L3MBTL3: variants seen among roughly 807,000 people sequenced by gnomAD.
L3MBTL3 encodes the protein L3MBTL histone methyl-lysine binding protein 3, also known as lethal(3)malignant brain tumor-like protein 3.
In L3MBTL3, 27 loss-of-function variants were observed where a neutral mutation model predicts 102.3. The ratio of observed to expected loss-of-function variants is 0.26; its 90% CI spans 0.19 to 0.36. The LOEUF is 0.36. Among genes scored for constraint, L3MBTL3 ranks in the 10% least tolerant of loss-of-function variants. L3MBTL3 has a pLI of 1.00. For synonymous variants in L3MBTL3, 340 were observed against 320.9 expected, an observed-to-expected ratio of 1.06 and a Z score of -0.64; for missense variants, 798 against 955.3, an observed-to-expected ratio of 0.84 and a Z score of 2.17.
intron 2 of L3MBTL3, among the ~76,000 whole-genome samples, chr6:130,032,540 A>G (rs1779795219): frequency 6.6e-6 from 1 of 152,242 alleles, no homozygotes; most frequent in Non-Finnish European, 1.5e-5. Context: ...CCAGATAATT[A>G]TAACAAGAAG....
In L3MBTL3 at chr6:130,133,998, A is replaced by G; in HGVS notation, c.2199+93A>G. The G allele has an allele frequency of 1.0e-6, 1 of 963,502 alleles. No homozygotes were observed. The allele number at this position is 963,502 out of a possible 1,614,324, so 59.7% of individuals were successfully genotyped here. On this transcript the variant is annotated intron_variant, in intron 22 of 22. Coordinates refer to ENST00000361794, the MANE Select transcript of L3MBTL3 (RefSeq NM_032438.4). The surrounding 1 kb of genome is among the most constrained non-coding windows in gnomAD (Gnocchi z 4.9). ...GAAATGTGTGGAATTGGCAGAGTCA[A>G]AAAGAGATGGGGTGTGTTGAAATTG...
At chr6:130,066,066 G>GA (rs955911038) in intron 10 of L3MBTL3, among the ~76,000 whole-genome samples, 7 of 152,222 alleles carry the variant, frequency 4.6e-5, no homozygotes, top group African/African-American at 1.7e-4. Flanking sequence ...AGGGAGTGGA[G>GA]AAAGGACCTG....
intron 19 of L3MBTL3, among the ~76,000 whole-genome samples, chr6:130,106,544 C>T (rs1031270423): frequency 6.6e-6 from 1 of 152,080 alleles, no homozygotes; most frequent in Admixed American, 6.5e-5. Context: ...CCCCTTTTTG[C>T]GGCCCTGGGA....
chr6:130,069,475 A>G (rs569771445), intron 12 of L3MBTL3, among the ~76,000 whole-genome samples: 3 of 152,196 alleles, frequency 2.0e-5, no homozygotes, highest in South Asian at 2.1e-4. Flanking sequence ...GAACTGACAC[A>G]TTGTGTTTGT....
chr6:130,085,799 C>G (rs922167086), intron 15 of L3MBTL3, among the ~76,000 whole-genome samples: 2 of 152,036 alleles, frequency 1.3e-5, no homozygotes, highest in African/African-American at 4.8e-5. Flanking sequence ...CTCTGTTGCC[C>G]AGGCTGGAGT....
intron 10 of L3MBTL3, among the ~76,000 whole-genome samples, chr6:130,062,452 A>G (rs1041425824): frequency 6.6e-5 from 10 of 150,892 alleles, no homozygotes; most frequent in Admixed American, 6.6e-4. Flanking sequence ...TGACGTGTAC[A>G]TGGCCTCACT....
At chr6:130,121,608 A>T (rs1786213155) in intron 20 of L3MBTL3, among the ~76,000 whole-genome samples, 2 of 152,160 alleles carry the variant, frequency 1.3e-5, no homozygotes, top group Non-Finnish European at 2.9e-5. Context: ...GGACCTTGTC[A>T]CACATTTTCT....
chr6:130,074,759 G>A (rs1782848262), intron 13 of L3MBTL3, among the ~76,000 whole-genome samples: 1 of 152,210 alleles, frequency 6.6e-6, no homozygotes, highest in African/African-American at 2.4e-5. Flanking sequence ...CTAAATGAAT[G>A]AGGTTGCAGC....
At chr6:130,111,684 G>A (rs1785355925) in intron 19 of L3MBTL3, among the ~76,000 whole-genome samples, 1 of 152,180 alleles carries the variant, frequency 6.6e-6, no homozygotes, top group South Asian at 2.1e-4. Context: ...ATAGAGCCAT[G>A]GGCAGCTAAT....
At chr6:130,034,248 G>T (rs1279336069) in intron 2 of L3MBTL3, among the ~76,000 whole-genome samples, 1 of 152,154 alleles carries the variant, frequency 6.6e-6, no homozygotes, top group Non-Finnish European at 1.5e-5. Flanking sequence ...AGATACAGTA[G>T]ATTCTTGACA....
At chr6:130,112,958 C>T (rs1293753888) in intron 19 of L3MBTL3, among the ~76,000 whole-genome samples, 3 of 152,160 alleles carry the variant, frequency 2.0e-5, no homozygotes, top group African/African-American at 7.2e-5. Context: ...TCACTGTGGA[C>T]AGTGGCAGCT....
At chr6:130,093,745 C>T (rs776521972) in intron 17 of L3MBTL3, among the ~76,000 whole-genome samples, 10 of 152,072 alleles carry the variant, frequency 6.6e-5, no homozygotes, top group South Asian at 2.1e-4. Context: ...CAAACAAAAC[C>T]GAATGTGCCT....
At chr6:130,114,873 G>A (rs1376467848) in intron 19 of L3MBTL3, among the ~76,000 whole-genome samples, 1 of 152,076 alleles carries the variant, frequency 6.6e-6, no homozygotes. Context: ...GAATCCCTTC[G>A]AAGGTGGTGA....
At chr6:130,119,485 T>A (rs558859110) in intron 19 of L3MBTL3, among the ~76,000 whole-genome samples, 3 of 152,306 alleles carry the variant, frequency 2.0e-5, no homozygotes, top group African/African-American at 7.2e-5. Context: ...AAACACAATT[T>A]TTATCAATAC....
intron 16 of L3MBTL3, among the ~76,000 whole-genome samples, chr6:130,088,968 T>TGG (rs1365545600): frequency 1.3e-5 from 2 of 152,126 alleles, no homozygotes; most frequent in Non-Finnish European, 2.9e-5. Context: ...TGTTCATAGT[T>TGG]TAGTTTTTTT....
At chr6:130,101,981 A>G (rs1784716535) in intron 18 of L3MBTL3, among the ~76,000 whole-genome samples, 1 of 152,022 alleles carries the variant, frequency 6.6e-6, no homozygotes. Context: ...TTGCTGAGCT[A>G]CTTCATTGCT....
intron 7 of L3MBTL3, 127 bp downstream of exon 7, chr6:130,053,118 C>T (rs1781212604): frequency 1.5e-6 from 1 of 647,522 alleles, no homozygotes; most frequent in Non-Finnish European, 2.7e-6. Flanking sequence ...GTGTTAGTGT[C>T]AGTAAGTTAC....
chr6:130,093,049 G>A (rs1225459198), intron 17 of L3MBTL3, among the ~76,000 whole-genome samples, 190 bp downstream of exon 17: 1 of 152,086 alleles, frequency 6.6e-6, no homozygotes, highest in African/African-American at 2.4e-5. Context: ...CTTAATGCCT[G>A]AAAAAGTAAA....
chr6:130,041,524 C>T (rs996418726), intron 2 of L3MBTL3, among the ~76,000 whole-genome samples: 2 of 152,100 alleles, frequency 1.3e-5, no homozygotes, highest in African/African-American at 4.8e-5. Flanking sequence ...TTCTTGAATC[C>T]TGAGAAGGTG....
Sources: gnomAD v4.1 joint callset for allele counts (sites outside exome capture counted in the v4.1 genomes callset) on GRCh38, gnomAD v4.1.1 for gene constraint, Gnocchi (gnomAD v3.1) non-coding constraint, MANE v1.5 for transcripts, NCBI Gene and HGNC (gene_info 2026-07-23, HGNC 2026-07-21) for gene names.